The following ABCA13 variants were observed in gnomAD, a reference collection of about 807,000 sequenced individuals.
The protein encoded by ABCA13 is ATP binding cassette subfamily A member 13, also known as ATP-binding cassette sub-family A member 13.
ABCA13 carries 476 observed loss-of-function variants against 478.7 expected under a neutral mutation model. The observed-to-expected ratio is 0.99, with a 90% CI of 0.92 to 1.07. The LOEUF (loss-of-function observed/expected upper bound fraction) is 1.07, where lower values mean the gene tolerates loss of function less well. Ranked by LOEUF, ABCA13 falls within the 50% of genes least tolerant of loss-of-function variation. The pLI is 0.00. For synonymous variants in ABCA13, 2,252 were observed against 2,158.9 expected (o/e 1.04, Z -1.20); for missense variants, 6,060 against 5,910.6 (o/e 1.03, Z -0.83).
intron 56 of ABCA13, among the ~76,000 whole-genome samples, chr7:48,584,340 C>T (rs1788973594): frequency 6.6e-6 from 1 of 152,202 alleles, no homozygotes; most frequent in African/African-American, 2.4e-5. Context: ...CCCCAAATAA[C>T]ATTGTTTAGT....
intron 48 of ABCA13, among the ~76,000 whole-genome samples, chr7:48,497,075 A>G (rs1428058041): frequency 6.6e-6 from 1 of 151,908 alleles, no homozygotes; most frequent in Non-Finnish European, 1.5e-5. Context: ...TAAGATTATT[A>G]GCTCTTGTAT....
intron 55 of ABCA13, among the ~76,000 whole-genome samples, chr7:48,563,531 G>A (rs529605881): frequency 2.0e-5 from 3 of 152,230 alleles, no homozygotes; most frequent in Admixed American, 2.0e-4. Flanking sequence ...ACATGTAAGA[G>A]CATGCCTGGC....
Position 48,273,129 on chromosome 7 carries a change from A to G in ABCA13, c.3463A>G (p.Thr1155Ala), listed in dbSNP as rs1417514575. 1 of 1,613,690 alleles carries G rather than the reference A, an allele frequency of 6.2e-7. No individual in the cohort carries two copies. The highest frequency in any genetic ancestry group is 1.1e-5 in the South Asian group (1 of 91,078). The change falls in exon 17 of 62, where the codon ACT becomes GCT. Residue 1155 changes from threonine to alanine, a missense_variant. Thr to Ala is a moderately conservative substitution (Grantham distance 58). Around this residue, in one of 3 missense-constraint regions of ABCA13, gnomAD observed 4,423 missense variants for 4,309.1 expected, o/e 1.03. Transcript: ENST00000435803. ...TACCGTTTCATGGCTTCAAATGTGG[A>G]CTGAAATCTGGGAAACCATATCTCA... Reference protein sequence around the residue: ...HCTVSWLQMWTEIWETISQLF... With the variant: ...HCTVSWLQMWAEIWETISQLF...
In ABCA13 at chr7:48,279,334, C is replaced by A; in HGVS notation, c.8140C>A (p.His2714Asn). The A allele has an allele frequency of 6.3e-7, 1 of 1,585,600 alleles. No individual in the cohort carries two copies. Among genetic ancestry groups the A allele is most frequent in the South Asian group, 1.1e-5 (1 of 87,616 alleles). Reference protein sequence around the residue: ...GPQDIKWEIIHEVIPFLDKIL... With the variant: ...GPQDIKWEIINEVIPFLDKIL... ...TCAAGATATAAAATGGGAAATAATT[C>A]ATGAAGTGATCCCTTTTTTGGATAA... Residue 2714 changes from histidine (H) to asparagine (N), a missense_variant, in exon 18 of 62, where the codon CAT (histidine) becomes AAT (asparagine). Around this residue, in one of 3 missense-constraint regions of ABCA13, gnomAD observed 4,423 missense variants for 4,309.1 expected, o/e 1.03. Transcript: ENST00000435803.
chr7:48,637,703 A>AT (rs981144241), intron 59 of ABCA13, among the ~76,000 whole-genome samples: 3 of 151,214 alleles, frequency 2.0e-5, no homozygotes, highest in East Asian at 1.9e-4. Context: ...GAGGCTATGT[A>AT]TTTTTTTTTA....
At chr7:48,628,195 T>C (rs1301803143) in intron 59 of ABCA13, among the ~76,000 whole-genome samples, 5 of 152,188 alleles carry the variant, frequency 3.3e-5, no homozygotes, top group Non-Finnish European at 7.3e-5. Context: ...GCATCGATTG[T>C]AATTATTCAT....
Position 48,528,290 on chromosome 7 carries a change from C to A in ABCA13, c.14299C>A (p.Leu4767Met), listed in dbSNP as rs373062442. ...GAGKSTTFKM[L>M]NGEVSLTSGH... ...TGGGAAGAGCACGACTTTCAAAATG[C>A]TGAATGGTGAAGTTTCTCTAACTTC... The change falls in exon 55 of 62, where the codon CTG becomes ATG. Residue 4767 changes from leucine to methionine, a missense_variant. By Grantham distance (15) the Leu-to-Met change is conservative. Transcript: ENST00000435803. 8 of 1,579,236 alleles carry A rather than the reference C, an allele frequency of 5.1e-6. No individual in the cohort carries two copies. The African/African-American group carries it at 1.1e-4, about 21-fold the overall frequency.
chr7:48,331,153 G>A (rs1225912906), intron 27 of ABCA13, among the ~76,000 whole-genome samples: 2 of 152,174 alleles, frequency 1.3e-5, no homozygotes, highest in Admixed American at 1.3e-4. Context: ...CTTGTGCTAT[G>A]ACCTAGTCAC....
rs1809575557 is a variant in ABCA13, at chr7:48,354,474, G to A, written c.10688+1987G>A. On this transcript the variant is annotated intron_variant, in intron 31 of 61. Coordinates refer to ENST00000435803, the MANE Select transcript of ABCA13 (RefSeq NM_152701.5). ...TATGGCTAACAGACATTGCAAGAGA[G>A]CTAGAAAGGAGGAATTGAGGGACAT... Among the ~76,000 whole-genome samples, 3 of 152,038 alleles carry A rather than the reference G, an allele frequency of 2.0e-5. No individual in the cohort carries two copies. The South Asian group carries it at 6.2e-4, about 32-fold the overall frequency.
chr7:48,257,216 T>C (rs1449728244), intron 15 of ABCA13, among the ~76,000 whole-genome samples: 1 of 152,160 alleles, frequency 6.6e-6, no homozygotes, highest in Admixed American at 6.5e-5. Flanking sequence ...AGGTATAGGA[T>C]TGTATCATCT....
intron 40 of ABCA13, among the ~76,000 whole-genome samples, chr7:48,411,030 TC>T (rs1248975798): frequency 8.2e-6 from 1 of 121,292 alleles, no homozygotes; most frequent in African/African-American, 3.0e-5. Flanking sequence ...TTTCTTTCTT[TC>T]TTTCTTTCTT....
intron 41 of ABCA13, among the ~76,000 whole-genome samples, chr7:48,415,055 A>T (rs1819791211): frequency 6.6e-6 from 1 of 152,200 alleles, no homozygotes; most frequent in Non-Finnish European, 1.5e-5. Context: ...CCTTTTCCCC[A>T]GATTGCATGA....
At chr7:48,496,350 A>C (rs1830276128) in intron 48 of ABCA13, among the ~76,000 whole-genome samples, 1 of 152,070 alleles carries the variant, frequency 6.6e-6, no homozygotes, top group Non-Finnish European at 1.5e-5. Context: ...AAGTGTAGAA[A>C]GCTTACTTCA....
At chr7:48,507,189 G>A (rs986472515) in intron 49 of ABCA13, among the ~76,000 whole-genome samples, 2 of 152,160 alleles carry the variant, frequency 1.3e-5, no homozygotes, top group Non-Finnish European at 2.9e-5. Flanking sequence ...GACATCTGTT[G>A]TAGAATGCGA....
In ABCA13 at chr7:48,626,699, T is replaced by C. The variant is rs1001604501; in HGVS notation, c.14837+11322T>C. On this transcript the variant is annotated intron_variant, in intron 59 of 61. Transcript: ENST00000435803. ...GCTGAAGAACACGATAATAGAACTT[T>C]ACAGCCGGCTGATCTGAGCTTGAGA... The C allele has an allele frequency of 1.7e-5, 17 of 985,486 alleles. No homozygotes were observed. In the South Asian group the frequency reaches 6.1e-4, roughly 35 times the overall value. 61.0% of individuals were successfully genotyped at this position (985,486 alleles called of 1,614,324 possible). A position where few individuals can be genotyped will look rare whatever the true frequency, so the allele number is the denominator to read the frequency against.
In ABCA13 at chr7:48,447,324, G is replaced by A. The variant is rs115818901; in HGVS notation, c.12566-7713G>A. On this transcript the variant is annotated intron_variant, in intron 42 of 61. Transcript: ENST00000435803. Reference sequence around the variant, plus strand: ...ACGGGAGCCTAGGAGAGTTGGGTAGGGCATCTTGAACTGGCTCCTTCAATT... The same window carrying A: ...ACGGGAGCCTAGGAGAGTTGGGTAGAGCATCTTGAACTGGCTCCTTCAATT... Among the ~76,000 whole-genome samples the A allele has an allele frequency of 2.5e-3, 376 of 152,170 alleles. 5 individuals are homozygous for A. The highest frequency in any genetic ancestry group is 8.8e-3 in the African/African-American group (365 of 41,500).
At chr7:48,179,188 G>A (rs1200676633) in intron 1 of ABCA13, among the ~76,000 whole-genome samples, 1 of 152,092 alleles carries the variant, frequency 6.6e-6, no homozygotes, top group Non-Finnish European at 1.5e-5. Flanking sequence ...CAACAAAACA[G>A]TCACAGTAAC....
intron 47 of ABCA13, among the ~76,000 whole-genome samples, chr7:48,484,378 A>G (rs1284777731): frequency 6.6e-6 from 1 of 152,232 alleles, no homozygotes; most frequent in Non-Finnish European, 1.5e-5. Flanking sequence ...GCTTGATATG[A>G]AAATATCATT....
At chr7:48,472,831 C>T (rs1827651560) in intron 45 of ABCA13, among the ~76,000 whole-genome samples, 1 of 152,182 alleles carries the variant, frequency 6.6e-6, no homozygotes. Context: ...TAAGTTACTC[C>T]ATATTGCTTA....
Sources: allele counts gnomAD v4.1 joint callset (sites outside exome capture counted in the v4.1 genomes callset), GRCh38; gene constraint gnomAD v4.1.1; regional missense constraint gnomAD v4.1.1; transcripts MANE v1.5; gene names NCBI Gene and HGNC (gene_info 2026-07-23, HGNC 2026-07-21).